The following RNF14 variants were observed in gnomAD, a reference collection of about 807,000 sequenced individuals.
RNF14 encodes the protein ring finger protein 14, also known as E3 ubiquitin-protein ligase RNF14.
RNF14 carries 26 observed loss-of-function variants against 52.6 expected under a neutral mutation model. The observed-to-expected ratio is 0.49, with a 90% CI of 0.36 to 0.69. The LOEUF (loss-of-function observed/expected upper bound fraction) is 0.69. Among genes scored for constraint, RNF14 ranks in the 30% least tolerant of loss-of-function variants. The pLI is 0.00. For synonymous variants in RNF14, 194 were observed against 202.0 expected, an observed-to-expected ratio of 0.96 and a Z score of 0.34; for missense variants, 404 against 560.4, an observed-to-expected ratio of 0.72 and a Z score of 2.82.
At chr5:141,954,877 A>G (rs1317137624), upstream of RNF14, 3 of 1,459,336 alleles carry the variant, frequency 2.1e-6, no homozygotes, top group Non-Finnish European at 2.8e-6. Context: ...AGCCTAAGGA[A>G]GAAACATGAG....
upstream of RNF14, chr5:141,956,906 G>C (rs754081248): frequency 1.2e-6 from 2 of 1,614,034 alleles, no homozygotes; most frequent in Admixed American, 1.7e-5. Context: ...TCGTAGGCAG[G>C]GTTCTTTTCA....
chr5:141,967,945 A>G (rs547797138), upstream of RNF14, among the ~76,000 whole-genome samples: 3 of 152,296 alleles, frequency 2.0e-5, no homozygotes, highest in East Asian at 5.8e-4. Context: ...ATTCCACAAT[A>G]TTTTCATCAC....
At chr5:141,973,942 A>G (rs1754020829) in intron 3 of RNF14, among the ~76,000 whole-genome samples, 200 bp downstream of exon 3, 1 of 152,234 alleles carries the variant, frequency 6.6e-6, no homozygotes. Context: ...ATCACTGAAG[A>G]GGGATATTAT....
At chr5:141,961,955 C>T (rs930411022), upstream of RNF14, among the ~76,000 whole-genome samples, 3 of 152,208 alleles carry the variant, frequency 2.0e-5, no homozygotes, top group Non-Finnish European at 4.4e-5. Context: ...TCGTGAATCT[C>T]CCCTGTGGTT....
Position 141,974,852 on chromosome 5 carries a change from G to A in RNF14, c.203G>A (p.Cys68Tyr). 1 of 1,614,012 alleles carries A rather than the reference G, an allele frequency of 6.2e-7. No individual in the cohort carries two copies. Among genetic ancestry groups the A allele is most frequent in the Non-Finnish European group, 8.5e-7 (1 of 1,179,962 alleles). ...LQNSGFEYTICFLPPLVLNFE... is the reference protein window; with the variant it reads ...LQNSGFEYTIYFLPPLVLNFE... ...AATAGTGGCTTTGAATACACCATTT[G>A]CTTTCTGCCTCCACTTGTGCTGAAC... Residue 68 changes from cysteine to tyrosine, a missense_variant, in exon 4 of 9, where the codon TGC becomes TAC. Cys to Tyr is a radical substitution (Grantham distance 194). Transcript: ENST00000394520.
chr5:141,955,322 C>G (rs777580158), upstream of RNF14: 1 of 1,614,204 alleles, frequency 6.2e-7, no homozygotes, highest in Admixed American at 1.7e-5. The surrounding 1 kb of genome is among the most constrained non-coding windows in gnomAD (Gnocchi z 5.5). Flanking sequence ...TTGACCGTGT[C>G]TTGCAGCACC....
the RNF14 span, chr5:141,951,440 AGGGGC>A: frequency 2.3e-6 from 3 of 1,333,040 alleles, no homozygotes; most frequent in South Asian, 3.5e-5. Flanking sequence ...TGCAGTGATG[AGGGGC>A]GGCCAGTAGG....
At chr5:141,967,376 G>C (rs753621642), upstream of RNF14, among the ~76,000 whole-genome samples, 8 of 152,172 alleles carry the variant, frequency 5.3e-5, no homozygotes, top group Non-Finnish European at 1.2e-4. Context: ...GATTACATGA[G>C]TAAGTTCTTT....
chr5:141,984,678 A>G lies in RNF14; in HGVS notation c.1237-125A>G, dbSNP rs567576029. ...ACATAGTCATCAGTGTGTTACATTGATATCTCAACCCTGCATAAGAAAAGG... is the reference window on the plus strand; with the variant it reads ...ACATAGTCATCAGTGTGTTACATTGGTATCTCAACCCTGCATAAGAAAAGG... On this transcript the variant is annotated intron_variant, in intron 7 of 8. Coordinates refer to ENST00000394520, the MANE Select transcript of RNF14 (RefSeq NM_004290.5). The G allele has an allele frequency of 2.8e-5, 22 of 777,930 alleles. No homozygotes were observed. The East Asian group carries it at 5.3e-4, about 19-fold the overall frequency. 48.2% of individuals were successfully genotyped at this position (777,930 alleles called of 1,614,324 possible). A position where few individuals can be genotyped will look rare whatever the true frequency, so the allele number is the denominator to read the frequency against.
intron 5 of RNF14, among the ~76,000 whole-genome samples, chr5:141,979,268 GA>G (rs1754550105): frequency 1.3e-5 from 2 of 151,886 alleles, no homozygotes; most frequent in African/African-American, 2.4e-5. Flanking sequence ...TGTTTTGTTT[GA>G]GATGGAGTCT....
Position 141,974,809 on chromosome 5 carries a change from T to C in RNF14, c.160T>C (p.Ser54Pro), listed in dbSNP as rs370242504. Residue 54 changes from serine (S) to proline (P), a missense_variant, in exon 4 of 9, where the codon TCA becomes CCA. Transcript: ENST00000394520. Reference sequence around the variant, plus strand: ...AATCTTTGTTTTTGGTTCAGGCAATTCAAATGAGTGTCTCCAGAATAGTGG... The same window carrying C: ...AATCTTTGTTTTTGGTTCAGGCAATCCAAATGAGTGTCTCCAGAATAGTGG... ...QNFKIFVSGN[S>P]NECLQNSGFE... 16 of 1,613,922 alleles carry C rather than the reference T, an allele frequency of 9.9e-6. No individual in the cohort carries two copies. Among genetic ancestry groups the C allele is most frequent in the Non-Finnish European group, 1.4e-5 (16 of 1,179,858 alleles).
chr5:141,963,748 G>T (rs1358202849), upstream of RNF14, among the ~76,000 whole-genome samples: 5 of 152,118 alleles, frequency 3.3e-5, no homozygotes, highest in Non-Finnish European at 5.9e-5. Context: ...CATTGGCTTG[G>T]TTTTTTTCTT....
upstream of RNF14, among the ~76,000 whole-genome samples, chr5:141,963,379 C>CTT (rs1199358722): frequency 1.5e-3 from 206 of 136,500 alleles, no homozygotes; most frequent in African/African-American, 4.3e-3. Flanking sequence ...ACACAAGTTC[C>CTT]TTTTTTTTTT....
chr5:141,964,591 A>G (rs1266483946), upstream of RNF14, among the ~76,000 whole-genome samples: 1 of 152,022 alleles, frequency 6.6e-6, no homozygotes, highest in Non-Finnish European at 1.5e-5. Flanking sequence ...CCAATTTTTT[A>G]GGATGAAGCC....
chr5:141,954,133 T>C (rs1753136688), upstream of RNF14, among the ~76,000 whole-genome samples: 1 of 152,098 alleles, frequency 6.6e-6, no homozygotes, highest in Non-Finnish European at 1.5e-5. Context: ...AAAATGAGGC[T>C]CAGATGTTGA....
chr5:141,952,304 C>T, the RNF14 span: 5 of 152,282 alleles, frequency 3.3e-5, no homozygotes, highest in African/African-American at 4.8e-5. Context: ...CAGAGGGCCC[C>T]TAACCCAACT....
At chr5:141,982,664 T>C (rs1260270007) in intron 6 of RNF14, 1 of 152,084 alleles carries the variant, frequency 6.6e-6, no homozygotes, top group African/African-American at 2.4e-5. Context: ...GATTGAAGAG[T>C]ATCGAGGGAA....
intron 7 of RNF14, among the ~76,000 whole-genome samples, chr5:141,984,558 T>A (rs1454531045): frequency 6.6e-6 from 1 of 152,254 alleles, no homozygotes; most frequent in African/African-American, 2.4e-5. Context: ...GTGATTTTTA[T>A]CTACTGCTTG....
chr5:141,951,473 G>C, the RNF14 span: 2 of 1,596,080 alleles, frequency 1.3e-6, no homozygotes, highest in Non-Finnish European at 1.7e-6. Context: ...AGATGCCTGT[G>C]GGGGCTACGT....
Sources: allele counts gnomAD v4.1 joint callset (sites outside exome capture counted in the v4.1 genomes callset), GRCh38; gene constraint gnomAD v4.1.1; non-coding constraint Gnocchi (gnomAD v3.1); transcripts MANE v1.5; gene names NCBI Gene and HGNC (gene_info 2026-07-23, HGNC 2026-07-21).